LARGE1: variants seen among roughly 807,000 people sequenced by gnomAD.
LARGE1 encodes LARGE xylosyl- and glucuronyltransferase 1, also known as xylosyl- and glucuronyltransferase LARGE1.
In LARGE1, 43 loss-of-function variants were observed where a neutral mutation model predicts 87.6. The observed-to-expected ratio is 0.49, with a 90% CI of 0.38 to 0.63. LARGE1 has a LOEUF of 0.63. Ranked by LOEUF, LARGE1 falls within the 30% of genes least tolerant of loss-of-function variation. The pLI, the probability that LARGE1 is intolerant of heterozygous loss-of-function variation, is 0.00. For synonymous variants in LARGE1, 434 were observed against 394.6 expected (o/e 1.10, Z -1.18); for missense variants, 802 against 1,000.2 (o/e 0.80, Z 2.67).
chr22:33,177,857 C>T (rs1335638933), intron 11 of LARGE1, among the ~76,000 whole-genome samples: 22 of 152,050 alleles, frequency 1.4e-4, no homozygotes. Flanking sequence ...GTGATTGGAT[C>T]GTAGGGGCAG....
At chr22:33,671,549 C>T (rs1244188856) in intron 2 of LARGE1, among the ~76,000 whole-genome samples, 1 of 152,200 alleles carries the variant, frequency 6.6e-6, no homozygotes, top group Non-Finnish European at 1.5e-5. Context: ...CATATTATTA[C>T]CAAAGCTTAT....
At chr22:33,592,622 C>T (rs1004375727) in intron 5 of LARGE1, among the ~76,000 whole-genome samples, 8 of 152,164 alleles carry the variant, frequency 5.3e-5, no homozygotes, top group African/African-American at 1.7e-4. Flanking sequence ...TACTTTTCGG[C>T]ATTTGCAATC....
chr22:33,698,585 G>T lies in LARGE1; in HGVS notation c.107-47917C>A, dbSNP rs5754646. ...TTAGCCTCCCAAAGGGATTATAAACGTGAGCCACTGCGCCCAGCCAACAAA... is the reference window on the plus strand; with the variant it reads ...TTAGCCTCCCAAAGGGATTATAAACTTGAGCCACTGCGCCCAGCCAACAAA... On this transcript the variant is annotated intron_variant, in intron 2 of 14. Coordinates refer to ENST00000397394, the MANE Select transcript of LARGE1 (RefSeq NM_133642.5). Among the ~76,000 whole-genome samples, 393 of 152,240 alleles carry T rather than the reference G, an allele frequency of 2.6e-3. 2 individuals are homozygous for T. In the East Asian group the frequency reaches 0.031, roughly 12 times the overall value.
At chr22:33,820,744 T>C (rs1302688023) in intron 1 of LARGE1, among the ~76,000 whole-genome samples, 1 of 152,170 alleles carries the variant, frequency 6.6e-6, no homozygotes, top group Non-Finnish European at 1.5e-5. Context: ...ATGCTACCAT[T>C]TGATTCACCA....
chr22:33,257,423 TAAAACAAAAACAAAAACA>T (rs145629358), intron 11 of LARGE1, among the ~76,000 whole-genome samples: 17 of 139,846 alleles, frequency 1.2e-4, no homozygotes, highest in Admixed American at 6.4e-4. Context: ...ACTTGGAAGG[TAAAACAAAAACAAAAACA>T]AAAACAAAAA....
intron 4 of LARGE1, among the ~76,000 whole-genome samples, chr22:33,607,640 A>G (rs1171108976): frequency 1.3e-5 from 2 of 152,026 alleles, no homozygotes; most frequent in Non-Finnish European, 2.9e-5. Flanking sequence ...ACAATGAGAA[A>G]GGCACCTTGG....
the LARGE1 span, among the ~76,000 whole-genome samples, chr22:33,104,409 G>T: frequency 1.3e-5 from 2 of 152,228 alleles, no homozygotes; most frequent in African/African-American, 4.8e-5. Flanking sequence ...TAAATGAGCT[G>T]CACTGATGGT....
chr22:33,769,428 C>T (rs964098200), intron 1 of LARGE1, among the ~76,000 whole-genome samples: 2 of 152,190 alleles, frequency 1.3e-5, no homozygotes, highest in Non-Finnish European at 2.9e-5. Context: ...TCATTTTGCC[C>T]ACTGCTGCCT....
chr22:33,262,748 T>C (rs1927703726), intron 11 of LARGE1, among the ~76,000 whole-genome samples: 2 of 151,136 alleles, frequency 1.3e-5, no homozygotes, highest in South Asian at 4.2e-4. Flanking sequence ...TTTCTTTCCT[T>C]CTTTCCTTCC....
intron 6 of LARGE1, among the ~76,000 whole-genome samples, chr22:33,541,375 A>G (rs2077205081): frequency 6.6e-6 from 1 of 152,184 alleles, no homozygotes; most frequent in Non-Finnish European, 1.5e-5. Flanking sequence ...TGGTATACAA[A>G]CAGGATTATA....
intron 6 of LARGE1, among the ~76,000 whole-genome samples, chr22:33,535,497 C>A (rs931510584): frequency 6.6e-6 from 1 of 151,078 alleles, no homozygotes; most frequent in East Asian, 1.9e-4. Context: ...GAGCTGAGAT[C>A]GCACTACTGT....
chr22:33,612,102 T>C (rs2079446777), intron 4 of LARGE1, among the ~76,000 whole-genome samples: 1 of 152,024 alleles, frequency 6.6e-6, no homozygotes. Flanking sequence ...AGTCTTAAGT[T>C]TCCCCCCACC....
rs954760016 is a variant in LARGE1, at chr22:33,274,371, C to G, written c.*56G>C. 1.9e-6 allele frequency: 3 copies of G among 1,565,262 alleles called. No individual in the cohort carries two copies. Among genetic ancestry groups the G allele is most frequent in the Non-Finnish European group, 2.6e-6 (3 of 1,135,578 alleles). ...TTGAATTTGAAGGCCGGGCCCCAAA[C>G]AGCGAGTGGCACTTCCCCTACAGCA... On this transcript the variant is annotated 3_prime_UTR_variant, in exon 15 of 15. Coordinates refer to ENST00000397394, the MANE Select transcript of LARGE1 (RefSeq NM_133642.5).
In LARGE1 at chr22:33,448,424, T is replaced by C. The variant is rs536897611; in HGVS notation, c.788-16159A>G. On this transcript the variant is annotated intron_variant, in intron 6 of 14. Coordinates refer to ENST00000397394, the MANE Select transcript of LARGE1 (RefSeq NM_133642.5). ...TTTTATTTGTTAATTAAACAATAAA[T>C]TAAGAAAAGAAAGTATTACTTGGTA... Among the ~76,000 whole-genome samples the C allele has an allele frequency of 3.9e-5, 6 of 152,316 alleles. No individual in the cohort carries two copies. The South Asian group carries it at 1.2e-3, about 32-fold the overall frequency.
At chr22:33,629,594 T>C (rs976500634) in intron 3 of LARGE1, among the ~76,000 whole-genome samples, 1 of 152,048 alleles carries the variant, frequency 6.6e-6, no homozygotes, top group Non-Finnish European at 1.5e-5. Flanking sequence ...GTTACAGAAG[T>C]GAACCATGAG....
Position 33,390,197 on chromosome 22 carries a change from C to T in LARGE1, c.893-5893G>A, listed in dbSNP as rs533693759. On this transcript the variant is annotated intron_variant, in intron 7 of 14. Coordinates refer to ENST00000397394, the MANE Select transcript of LARGE1 (RefSeq NM_133642.5). ...ACTAAATATACCACTCTCTGTACCC[C>T]GATTCAACCAAGAATCAGAATCCAA... Among the ~76,000 whole-genome samples the T allele has an allele frequency of 5.9e-5, 9 of 152,296 alleles. No individual in the cohort carries two copies. In the South Asian group the frequency reaches 8.3e-4, roughly 14 times the overall value.
At chr22:33,123,657 T>C in the LARGE1 span, among the ~76,000 whole-genome samples, 1 of 152,126 alleles carries the variant, frequency 6.6e-6, no homozygotes, top group Admixed American at 6.5e-5. Context: ...CAGAGAGCAA[T>C]GAAAGCATCT....
chr22:33,558,281 G>A (rs1437562885), intron 6 of LARGE1, among the ~76,000 whole-genome samples: 1 of 152,078 alleles, frequency 6.6e-6, no homozygotes, highest in Non-Finnish European at 1.5e-5. Context: ...CTTTCCTATG[G>A]GCTAACAGGG....
chr22:33,917,227 T>C (rs1421556182), intron 1 of LARGE1, among the ~76,000 whole-genome samples: 1 of 152,228 alleles, frequency 6.6e-6, no homozygotes, highest in Non-Finnish European at 1.5e-5. Context: ...AAGCAGGCTC[T>C]TCTTGGCCTC....
Sources: allele counts gnomAD v4.1 joint callset (sites outside exome capture counted in the v4.1 genomes callset), GRCh38; gene constraint gnomAD v4.1.1; transcripts MANE v1.5; gene names NCBI Gene and HGNC (gene_info 2026-07-23, HGNC 2026-07-21).